MTCL2: variants seen among roughly 807,000 people sequenced by gnomAD.
The protein encoded by MTCL2 is microtubule cross-linking factor 2.
the MTCL2 span, chr20:36,793,242 C>A: frequency 6.5e-7 from 1 of 1,549,062 alleles, no homozygotes; most frequent in Non-Finnish European, 8.7e-7. This position sits in a 1 kb window ranked among gnomAD's most constrained non-coding sequence, Gnocchi z 6.8. Context: ...AGATCCCACC[C>A]ACCTACCTCA....
At chr20:36,805,051 A>C in the MTCL2 span, 2 of 855,924 alleles carry the variant, frequency 2.3e-6, no homozygotes, top group Non-Finnish European at 3.5e-6. Context: ...TCACCCATAA[A>C]ATGGGAATGA....
chr20:36,815,040 C>T, the MTCL2 span: 1 of 1,342,758 alleles, frequency 7.4e-7, no homozygotes, highest in Non-Finnish European at 1.0e-6. This position sits in a 1 kb window ranked among gnomAD's most constrained non-coding sequence, Gnocchi z 5.3. Flanking sequence ...TCAGCCTGGC[C>T]AGCGGGGAGA....
chr20:36,803,208 G>T, the MTCL2 span: 2 of 1,459,126 alleles, frequency 1.4e-6, no homozygotes, highest in Non-Finnish European at 9.1e-7. Context: ...AAGGGGAGAG[G>T]TCCCCTCAGA....
At chr20:36,784,457 C>T in the MTCL2 span, 13 of 985,598 alleles carry the variant, frequency 1.3e-5, no homozygotes, top group South Asian at 4.7e-5. Flanking sequence ...AGTGCAGGGG[C>T]GCCTCCAGAG....
the MTCL2 span, among the ~76,000 whole-genome samples, chr20:36,837,101 C>T: frequency 6.6e-6 from 1 of 152,228 alleles, no homozygotes; most frequent in Admixed American, 6.5e-5. Flanking sequence ...GAGCCATCTT[C>T]TGCCACCTTC....
the MTCL2 span, among the ~76,000 whole-genome samples, chr20:36,853,702 GGTGT>G: frequency 0.16 from 23,100 of 143,724 alleles, 1,968 homozygotes; most frequent in Admixed American, 0.22. Context: ...ATCAGGGAGG[GGTGT>G]GTGTGTGTGT....
At chr20:36,809,578 C>CTTTT in the MTCL2 span, among the ~76,000 whole-genome samples, 11 of 124,144 alleles carry the variant, frequency 8.9e-5, no homozygotes, top group African/African-American at 1.5e-4. Context: ...TTCTTTCATT[C>CTTTT]TTTTTTTTTT....
At chr20:36,862,899 C>A in the MTCL2 span, 1 of 1,256,258 alleles carries the variant, frequency 8.0e-7, no homozygotes, top group African/African-American at 1.6e-5. Context: ...CGCCGGGCCC[C>A]CGGCCGCGGA....
At chr20:36,804,361 T>C in the MTCL2 span, among the ~76,000 whole-genome samples, 33 of 151,610 alleles carry the variant, frequency 2.2e-4, 1 homozygote, top group Admixed American at 2.0e-3. Flanking sequence ...CGCTGGGGAG[T>C]TGGGAGGGGA....
At chr20:36,821,904 T>C in the MTCL2 span, among the ~76,000 whole-genome samples, 2 of 152,228 alleles carry the variant, frequency 1.3e-5, no homozygotes, top group African/African-American at 4.8e-5. Context: ...AAAGTCATTA[T>C]AAAAGGTTTT....
chr20:36,821,349 C>G, the MTCL2 span, among the ~76,000 whole-genome samples: 1 of 152,064 alleles, frequency 6.6e-6, no homozygotes, highest in Non-Finnish European at 1.5e-5. Context: ...TGGAGAAACC[C>G]CGTCTCTACT....
At chr20:36,821,631 T>C in the MTCL2 span, among the ~76,000 whole-genome samples, 4 of 152,148 alleles carry the variant, frequency 2.6e-5, no homozygotes, top group East Asian at 3.9e-4. Flanking sequence ...GGTGGGAGAA[T>C]TGCTTGAGCC....
the MTCL2 span, chr20:36,803,219 A>G: frequency 6.9e-7 from 1 of 1,440,954 alleles, no homozygotes; most frequent in Non-Finnish European, 9.2e-7. Flanking sequence ...TCCCCTCAGA[A>G]GACCCCTCAC....
At chr20:36,796,838 G>A in the MTCL2 span, 1 of 1,596,694 alleles carries the variant, frequency 6.3e-7, no homozygotes, top group Non-Finnish European at 8.6e-7. Flanking sequence ...GCGAGGCTGT[G>A]GGGCCGGTCA....
the MTCL2 span, chr20:36,863,187 C>A: frequency 8.0e-7 from 1 of 1,248,718 alleles, no homozygotes; most frequent in South Asian, 2.8e-5. This position sits in a 1 kb window ranked among gnomAD's most constrained non-coding sequence, Gnocchi z 6.2. Context: ...CGGGCCTGGG[C>A]CGCGGCGGCC....
chr20:36,785,525 A>C, the MTCL2 span: 8 of 985,412 alleles, frequency 8.1e-6, no homozygotes, highest in African/African-American at 1.0e-4. Flanking sequence ...GCCAACCAAG[A>C]ATCTCTTACT....
the MTCL2 span, among the ~76,000 whole-genome samples, chr20:36,827,946 C>G: frequency 6.6e-6 from 1 of 152,194 alleles, no homozygotes; most frequent in African/African-American, 2.4e-5. Flanking sequence ...TAGCAGCAAA[C>G]GCCTCCTCTC....
chr20:36,805,020 C>T, the MTCL2 span: 1 of 1,071,174 alleles, frequency 9.3e-7, no homozygotes, highest in Non-Finnish European at 1.3e-6. Flanking sequence ...CAGGCAAGTC[C>T]CACAACCTCC....
At chr20:36,805,018 TC>T in the MTCL2 span, 1 of 1,064,708 alleles carries the variant, frequency 9.4e-7, no homozygotes, top group Non-Finnish European at 1.4e-6. Context: ...CTCAGGCAAG[TC>T]CCACAACCTC....
Sources: allele counts gnomAD v4.1 joint callset (sites outside exome capture counted in the v4.1 genomes callset), GRCh38; gene constraint gnomAD v4.1.1; non-coding constraint Gnocchi (gnomAD v3.1); transcripts MANE v1.5; gene names NCBI Gene and HGNC (gene_info 2026-07-23, HGNC 2026-07-21).